GATAD2B: variants seen among roughly 807,000 people sequenced by gnomAD.
GATAD2B encodes the protein GATA zinc finger domain containing 2B.
In GATAD2B, 8 loss-of-function variants were observed where a neutral mutation model predicts 64.3. The ratio of observed to expected loss-of-function variants is 0.12; its 90% CI spans 0.07 to 0.22. The LOEUF (loss-of-function observed/expected upper bound fraction) is 0.22. GATAD2B is among the 10% of genes least tolerant of loss of function. The probability of loss-of-function intolerance (pLI) is 1.00; values close to 1 mark genes in which losing one functional copy is unlikely to be tolerated. For missense variants in GATAD2B, 453 were observed against 752.0 expected, an observed-to-expected ratio of 0.60 and a Z score of 4.65; for synonymous variants, 281 against 271.3, an observed-to-expected ratio of 1.04 and a Z score of -0.35.
intron 4 of GATAD2B, 95 bp from the exon 5 acceptor site, chr1:153,818,266 G>T (rs1047518543): frequency 2.2e-4 from 238 of 1,082,720 alleles, no homozygotes; most frequent in Non-Finnish European, 3.0e-4. Flanking sequence ...TCAGTGTGAG[G>T]TTCTTGTCAA....
In GATAD2B at chr1:153,851,443, G is replaced by C. The variant is rs534109075; in HGVS notation, c.-1-23095C>G. Reference sequence around the variant, plus strand: ...AGGGTTCCAATTTCTTCACTCCCTTGCCACTTAAAAAAAATAGCCATCTTG... The same window carrying C: ...AGGGTTCCAATTTCTTCACTCCCTTCCCACTTAAAAAAAATAGCCATCTTG... On this transcript the variant is annotated intron_variant, in intron 1 of 10. Transcript: ENST00000368655. Among the ~76,000 whole-genome samples the C allele has an allele frequency of 3.0e-4, 45 of 152,038 alleles. No individual in the cohort carries two copies. The South Asian group carries it at 8.5e-3, about 29-fold the overall frequency.
chr1:153,901,664 A>G (rs572943045), intron 1 of GATAD2B, among the ~76,000 whole-genome samples: 55 of 151,580 alleles, frequency 3.6e-4, no homozygotes, highest in Admixed American at 5.9e-4. Flanking sequence ...TCTCTACTAA[A>G]AATACAAAAA....
At chr1:153,827,291 GA>G (rs1234509931) in intron 2 of GATAD2B, among the ~76,000 whole-genome samples, 2,479 of 133,772 alleles carry the variant, frequency 0.019, 31 homozygotes, top group Non-Finnish European at 0.029. Flanking sequence ...AAAACAAAAA[GA>G]AAAAAAAAAC....
intron 1 of GATAD2B, among the ~76,000 whole-genome samples, chr1:153,877,605 T>C (rs1325633778): frequency 6.6e-6 from 1 of 151,612 alleles, no homozygotes; most frequent in Non-Finnish European, 1.5e-5. Context: ...TAGCTGGACA[T>C]GGTGGCTCAT....
intron 1 of GATAD2B, among the ~76,000 whole-genome samples, chr1:153,846,273 C>A (rs1221854714): frequency 6.6e-6 from 1 of 152,164 alleles, no homozygotes; most frequent in Non-Finnish European, 1.5e-5. Context: ...CACTCTGTCA[C>A]CCAGGCTGGG....
intron 1 of GATAD2B, among the ~76,000 whole-genome samples, chr1:153,881,553 T>C (rs1450583265): frequency 8.5e-5 from 13 of 152,150 alleles, no homozygotes; most frequent in Admixed American, 8.5e-4. Flanking sequence ...CCTCAGCATA[T>C]TACCTTCTAC....
rs138345762 is a variant in GATAD2B at position 153,859,254 on chromosome 1, C to G, written c.-1-30906G>C. On this transcript the variant is annotated intron_variant, in intron 1 of 10. Transcript: ENST00000368655. ...TGGTGGAGTGTGCCTGTTGTTCCAG[C>G]TACTCAGGAGGCTGGGGTGGGAGGA... Among the ~76,000 whole-genome samples the G allele has an allele frequency of 6.3e-4, 95 of 151,622 alleles. 1 individual carries two copies. In the East Asian group the frequency reaches 0.017, roughly 27 times the overall value.
chr1:153,889,664 T>TA, intron 1 of GATAD2B: 1 of 824,614 alleles, frequency 1.2e-6, no homozygotes, highest in Non-Finnish European at 1.5e-6. Context: ...ACGTCAAATT[T>TA]AAAATACACT....
At chr1:153,902,342 AC>A (rs928237877) in intron 1 of GATAD2B, among the ~76,000 whole-genome samples, 5 of 152,236 alleles carry the variant, frequency 3.3e-5, no homozygotes, top group African/African-American at 1.2e-4. Context: ...TATCATACTT[AC>A]AGCCAAGGTG....
At chr1:153,813,588 T>C (rs191068707) in intron 7 of GATAD2B, 136 bp from the exon 8 acceptor site, 3 of 649,104 alleles carry the variant, frequency 4.6e-6, no homozygotes, top group African/African-American at 3.7e-5. Context: ...TTCTATAATT[T>C]ACAAAATACT....
chr1:153,865,456 A>G (rs894508653), intron 1 of GATAD2B, among the ~76,000 whole-genome samples: 5 of 152,032 alleles, frequency 3.3e-5, no homozygotes, highest in African/African-American at 1.2e-4. Flanking sequence ...GTGAGACTCC[A>G]TCTCAAAAAC....
At chr1:153,915,660 A>G (rs913337775) in intron 1 of GATAD2B, among the ~76,000 whole-genome samples, 1 of 148,436 alleles carries the variant, frequency 6.7e-6, no homozygotes, top group African/African-American at 2.5e-5. Context: ...ACTTGAACTC[A>G]GGAGGTGGAG....
At chr1:153,894,563 TAA>T (rs201089422) in intron 1 of GATAD2B, among the ~76,000 whole-genome samples, 2 of 148,222 alleles carry the variant, frequency 1.3e-5, no homozygotes, top group South Asian at 2.1e-4. Flanking sequence ...ATACCTCAGT[TAA>T]AAAAAAAAGT....
intron 1 of GATAD2B, among the ~76,000 whole-genome samples, chr1:153,887,800 C>G (rs1421470624): frequency 6.6e-6 from 1 of 152,042 alleles, no homozygotes; most frequent in African/African-American, 2.4e-5. Context: ...TAAAAAATTA[C>G]TGCAGGCTGG....
At chr1:153,877,454 A>G (rs2101936296) in intron 1 of GATAD2B, among the ~76,000 whole-genome samples, 1 of 152,162 alleles carries the variant, frequency 6.6e-6, no homozygotes. Context: ...TATGAGAGTT[A>G]AGAAAAAAAA....
intron 1 of GATAD2B, among the ~76,000 whole-genome samples, chr1:153,875,586 G>A (rs1461663036): frequency 2.1e-5 from 3 of 144,162 alleles, no homozygotes; most frequent in Non-Finnish European, 4.5e-5. Context: ...GTGTGGCTGT[G>A]TTTCAACAAA....
intron 1 of GATAD2B, among the ~76,000 whole-genome samples, chr1:153,886,905 G>A (rs996089824): frequency 5.9e-5 from 9 of 151,904 alleles, no homozygotes; most frequent in Non-Finnish European, 1.3e-4. Flanking sequence ...CTGAAACATG[G>A]CTAAATGGTT....
At chr1:153,907,933 T>C (rs1677997673) in intron 1 of GATAD2B, among the ~76,000 whole-genome samples, 1 of 152,142 alleles carries the variant, frequency 6.6e-6, no homozygotes, top group Non-Finnish European at 1.5e-5. Context: ...GCCTCCTGAG[T>C]AGCTGGGATT....
chr1:153,848,973 A>ACCCCC (rs113142203), intron 1 of GATAD2B, among the ~76,000 whole-genome samples: 3 of 141,388 alleles, frequency 2.1e-5, no homozygotes, highest in Non-Finnish European at 3.1e-5. Context: ...AAACAAACAA[A>ACCCCC]CCCCCCCCCT....
Sources: gnomAD v4.1 joint callset for allele counts (sites outside exome capture counted in the v4.1 genomes callset) on GRCh38, gnomAD v4.1.1 for gene constraint, MANE v1.5 for transcripts, NCBI Gene and HGNC (gene_info 2026-07-23, HGNC 2026-07-21) for gene names.